The following ACADL variants were observed in gnomAD, a reference collection of about 807,000 sequenced individuals.
ACADL encodes long-chain specific acyl-CoA dehydrogenase, mitochondrial.
ACADL carries 60 observed loss-of-function variants against 56.9 expected under a neutral mutation model. The observed-to-expected ratio is 1.05, with a 90% CI of 0.86 to 1.31. The LOEUF is 1.31. Ranked by LOEUF, ACADL falls within the 50% of genes most tolerant of loss-of-function variation. The pLI is 0.00. For missense variants in ACADL, 484 were observed against 525.5 expected (o/e 0.92, Z 0.77); for synonymous variants, 158 against 179.7 (o/e 0.88, Z 0.97).
At chr2:210,206,977 C>T (rs1688897455) in intron 5 of ACADL, among the ~76,000 whole-genome samples, 1 of 152,270 alleles carries the variant, frequency 6.6e-6, no homozygotes, top group East Asian at 1.9e-4. Flanking sequence ...CTTCCCACCC[C>T]TACTCCTATC....
At chr2:210,224,960 G>C in intron 1 of ACADL, 1 of 1,373,264 alleles carries the variant, frequency 7.3e-7, no homozygotes, top group Admixed American at 3.7e-5. Flanking sequence ...TCGGCGGTCT[G>C]TTCTCGGGGC....
intron 3 of ACADL, chr2:210,217,411 T>G (rs911595375): frequency 6.5e-6 from 1 of 153,392 alleles, no homozygotes; most frequent in Non-Finnish European, 1.5e-5. Flanking sequence ...TGCAATCTTG[T>G]CAGCACTGGG....
intron 4 of ACADL, among the ~76,000 whole-genome samples, chr2:210,214,467 A>AAAAGAAAGAAAGAAAGAAAAG (rs1553690975): frequency 3.3e-5 from 4 of 122,336 alleles, no homozygotes; most frequent in African/African-American, 1.3e-4. Flanking sequence ...GACCTTCCAA[A>AAAAGAAAGAAAGAAAGAAAAG]AAAGAAAGAA....
intron 5 of ACADL, 50 bp downstream of exon 5, chr2:210,210,146 C>A: frequency 7.5e-7 from 1 of 1,326,538 alleles, no homozygotes; most frequent in South Asian, 1.2e-5. Context: ...ACATTGTTAC[C>A]CATGGCATGA....
At chr2:210,211,418 G>C (rs1412854030) in intron 4 of ACADL, among the ~76,000 whole-genome samples, 1 of 152,162 alleles carries the variant, frequency 6.6e-6, no homozygotes, top group Non-Finnish European at 1.5e-5. Context: ...TGGGTGATAT[G>C]GTTTGGCTCT....
intron 3 of ACADL, 155 bp downstream of exon 3, chr2:210,217,810 T>C: frequency 1.1e-6 from 1 of 923,322 alleles, no homozygotes; most frequent in Non-Finnish European, 1.7e-6. Context: ...TGTGCAAGAG[T>C]GCATGAGCGG....
At chr2:210,206,178 C>G (rs868343818) in intron 5 of ACADL, among the ~76,000 whole-genome samples, 1 of 152,080 alleles carries the variant, frequency 6.6e-6, no homozygotes, top group Non-Finnish European at 1.5e-5. Context: ...TGGCTCACAC[C>G]TGTAACCCCA....
At chr2:210,213,310 G>A (rs1339424376) in intron 4 of ACADL, among the ~76,000 whole-genome samples, 1 of 152,114 alleles carries the variant, frequency 6.6e-6, no homozygotes, top group Non-Finnish European at 1.5e-5. Context: ...GACCAGCCTG[G>A]CCAACCTGCT....
chr2:210,219,841 C>A (rs1321063449), intron 2 of ACADL, among the ~76,000 whole-genome samples: 1 of 151,990 alleles, frequency 6.6e-6, no homozygotes, highest in African/African-American at 2.4e-5. Flanking sequence ...TAATACTTTA[C>A]TACAAAGTAG....
At position 210,220,268 on chromosome 2, in the gene ACADL, A is replaced by G. The variant is rs539808225; in HGVS notation, c.233+379T>C. ...AATTAGTTAATCAAGAACTATCCAG[A>G]GGTAACCAATTGCTTACCAAGGTTT... On this transcript the variant is annotated intron_variant, in intron 2 of 10. Coordinates refer to ENST00000233710, the MANE Select transcript of ACADL (RefSeq NM_001608.4). Among the ~76,000 whole-genome samples the G allele has an allele frequency of 2.0e-5, 3 of 152,310 alleles. No homozygotes were observed. The South Asian group carries it at 6.2e-4, about 32-fold the overall frequency.
intron 4 of ACADL, among the ~76,000 whole-genome samples, chr2:210,214,525 G>GAAAAAGAAAGAAAGAA (rs1302904380): frequency 6.6e-6 from 1 of 151,138 alleles, no homozygotes; most frequent in African/African-American, 2.4e-5. Context: ...AAGAAAGAAA[G>GAAAAAGAAAGAAAGAA]AAAGAAATCT....
intron 1 of ACADL, chr2:210,224,887 G>C: frequency 3.3e-6 from 4 of 1,204,898 alleles, no homozygotes; most frequent in Non-Finnish European, 4.1e-6. Context: ...TGAACTAGAC[G>C]GGTTGGATTG....
Position 210,188,627 on chromosome 2 carries a change from T to A in ACADL, c.*334A>T. 4.1e-6 allele frequency: 1 copy of A among 243,250 alleles called. No individual in the cohort carries two copies. The highest frequency in any genetic ancestry group is 8.1e-6 in the Non-Finnish European group (1 of 123,072). The allele number at this position is 243,250 out of a possible 1,614,324, so 15.1% of individuals were successfully genotyped here. ...TTAATGTTTTTATACTATAGCGACATAAAATTATTTCTGCCTTGGTTTGAA... is the reference window on the plus strand; with the variant it reads ...TTAATGTTTTTATACTATAGCGACAAAAAATTATTTCTGCCTTGGTTTGAA... On this transcript the variant is annotated 3_prime_UTR_variant, in exon 11 of 11. Coordinates refer to ENST00000233710, the MANE Select transcript of ACADL (RefSeq NM_001608.4).
chr2:210,195,056 G>A (rs1688685363), intron 9 of ACADL, among the ~76,000 whole-genome samples, 155 bp downstream of exon 9: 1 of 151,486 alleles, frequency 6.6e-6, no homozygotes, highest in African/African-American at 2.4e-5. Flanking sequence ...ATGCTTAATG[G>A]AACTTTTTAG....
At chr2:210,195,953 C>G (rs560734837) in intron 8 of ACADL, among the ~76,000 whole-genome samples, 2 of 152,268 alleles carry the variant, frequency 1.3e-5, no homozygotes, top group African/African-American at 4.8e-5. Flanking sequence ...CATCCCTTCA[C>G]ATTATCCCTT....
chr2:210,214,503 G>GAAAGAAAGAAAGAAAGAAAGA lies in ACADL; in HGVS notation c.536+1843_536+1844insTCTTTCTTTCTTTCTTTCTTT, dbSNP rs1553691033. 7.1e-4 allele frequency among the ~76,000 whole-genome samples: 107 copies of GAAAGAAAGAAAGAAAGAAAGA among 150,506 alleles called. 1 individual carries two copies. The highest frequency in any genetic ancestry group is 2.4e-4 in the Non-Finnish European group (16 of 67,872). On this transcript the variant is annotated intron_variant, in intron 4 of 10. Transcript: ENST00000233710. ...AGAAAGAAAGAAAGAAAGAAAGAAA[G>GAAAGAAAGAAAGAAAGAAAGA]AAAGAAAAAGAAAGAAAGAAAGAAA...
At position 210,203,391 on chromosome 2, in the gene ACADL, T is replaced by C; in HGVS notation, c.924A>G (p.Glu308=). Residue 308 remains glutamate, a synonymous_variant, in exon 8 of 11, where the codon GAA becomes GAG. Coordinates refer to ENST00000233710, the MANE Select transcript of ACADL (RefSeq NM_001608.4). The part of the protein sequence containing the change: ...VAISASEFMF[E]ETRNYVKQRK... The stretch of plus-strand genomic sequence containing the variant: ...TTTGTTTAACATAGTTCCTGGTTTC[T>C]TCAAACATGAATTCACTAGCTGAAA... 5 of 1,603,812 alleles carry C rather than the reference T, an allele frequency of 3.1e-6. No homozygotes were observed. Among genetic ancestry groups the C allele is most frequent in the Non-Finnish European group, 4.3e-6 (5 of 1,171,756 alleles).
chr2:210,189,390 G>A (rs1688596062), intron 10 of ACADL, among the ~76,000 whole-genome samples: 1 of 152,104 alleles, frequency 6.6e-6, no homozygotes, highest in Non-Finnish European at 1.5e-5. Context: ...ATTAGGAAAT[G>A]CACAGGATGT....
At chr2:210,203,708 C>T (rs142115358) in intron 7 of ACADL, among the ~76,000 whole-genome samples, 14 of 152,212 alleles carry the variant, frequency 9.2e-5, no homozygotes, top group South Asian at 2.1e-4. Flanking sequence ...CAAAGTCTCA[C>T]TCTGTTGCCA....
Sources: allele counts gnomAD v4.1 joint callset (sites outside exome capture counted in the v4.1 genomes callset), GRCh38; gene constraint gnomAD v4.1.1; transcripts MANE v1.5; gene names NCBI Gene and HGNC (gene_info 2026-07-23, HGNC 2026-07-21).